The following CLDN16 variants were observed in gnomAD, a reference collection of about 807,000 sequenced individuals.
CLDN16 encodes the protein claudin 16.
In CLDN16, 13 loss-of-function variants were observed where a neutral mutation model predicts 24.6. The ratio of observed to expected loss-of-function variants is 0.53; its 90% CI spans 0.34 to 0.84. The LOEUF (loss-of-function observed/expected upper bound fraction) is 0.84, where lower values mean the gene tolerates loss of function less well. Among genes scored for constraint, CLDN16 ranks in the 40% least tolerant of loss-of-function variants. The pLI is 0.01. For synonymous variants in CLDN16, 116 were observed against 106.7 expected (o/e 1.09, Z -0.54); for missense variants, 298 against 292.7 (o/e 1.02, Z -0.13).
the CLDN16 span, chr3:190,307,151 G>T: frequency 6.6e-6 from 1 of 152,622 alleles, no homozygotes; most frequent in Admixed American, 6.5e-5. Context: ...ATAGAAAAAA[G>T]AGGTAGAAAG....
intron 1 of CLDN16, among the ~76,000 whole-genome samples, chr3:190,398,399 T>G (rs1448336198): frequency 6.6e-6 from 1 of 152,220 alleles, no homozygotes; most frequent in Non-Finnish European, 1.5e-5. Context: ...ATTCCTTGAC[T>G]TGTAGCTTTA....
the CLDN16 span, chr3:190,310,147 T>C: frequency 1.3e-6 from 2 of 1,599,014 alleles, no homozygotes; most frequent in Non-Finnish European, 1.7e-6. Flanking sequence ...AAACAAACTA[T>C]TTTACGCCTG....
chr3:190,363,403 C>A (rs1164033940), intron 1 of CLDN16, among the ~76,000 whole-genome samples: 1 of 150,610 alleles, frequency 6.6e-6, no homozygotes, highest in African/African-American at 2.4e-5. Flanking sequence ...ATTTTAAAGT[C>A]TTCATCTTCT....
Position 190,404,932 on chromosome 3 carries a change from G to A in CLDN16, c.382+6G>A, listed in dbSNP as rs1560098738. 1.2e-6 allele frequency: 2 copies of A among 1,613,666 alleles called. No individual in the cohort carries two copies. Among genetic ancestry groups the A allele is most frequent in the African/African-American group, 1.3e-5 (1 of 74,866 alleles). On this transcript the variant is annotated splice_donor_region_variant and intron_variant, in intron 3 of 4. Transcript: ENST00000264734. The stretch of plus-strand genomic sequence containing the variant: ...AGCCACGTTACTAATAGCAGGTACC[G>A]GTCTGGCTGGACTAGCAACAGGGGT...
chr3:190,388,128 C>T, upstream of CLDN16: 1 of 1,613,908 alleles, frequency 6.2e-7, no homozygotes, highest in South Asian at 1.1e-5. Flanking sequence ...TAATGACCTC[C>T]AGGACCCCAC....
At chr3:190,364,844 G>A (rs1400317916) in intron 1 of CLDN16, among the ~76,000 whole-genome samples, 1 of 151,086 alleles carries the variant, frequency 6.6e-6, no homozygotes, top group Admixed American at 6.6e-5. Flanking sequence ...TTTTTTCGAG[G>A]TGATTATATC....
In CLDN16 at chr3:190,326,993, A is replaced by G. The variant is rs113097433; in HGVS notation, n.121+4332A>G. Among the ~76,000 whole-genome samples the G allele has an allele frequency of 5.1e-3, 782 of 152,244 alleles. 11 individuals carry two copies. The highest frequency in any genetic ancestry group is 0.018 in the African/African-American group (745 of 41,538). ...ATCTCTTTAATATGACACTAGCTTT[A>G]TTAGTGGGAGTTCTCCAAAGAATAG... On this transcript the variant is annotated intron_variant and non_coding_transcript_variant, in intron 1 of 4. Transcript: ENST00000468220.
intron 1 of CLDN16, among the ~76,000 whole-genome samples, chr3:190,325,092 A>C (rs777359652): frequency 9.2e-5 from 14 of 152,220 alleles, no homozygotes; most frequent in Non-Finnish European, 1.8e-4. Flanking sequence ...TATGACTCTA[A>C]GTAATGACAG....
At chr3:190,403,357 T>C (rs1269423208) in intron 2 of CLDN16, among the ~76,000 whole-genome samples, 2 of 152,058 alleles carry the variant, frequency 1.3e-5, no homozygotes, top group African/African-American at 2.4e-5. Flanking sequence ...AATAAATAAA[T>C]TATAGTTACA....
At chr3:190,339,328 C>T (rs1234625128) in intron 1 of CLDN16, among the ~76,000 whole-genome samples, 2 of 152,182 alleles carry the variant, frequency 1.3e-5, no homozygotes, top group East Asian at 3.8e-4. Flanking sequence ...TGGAGAACCA[C>T]AGTCTCACCT....
the CLDN16 span, among the ~76,000 whole-genome samples, chr3:190,300,697 CT>C: frequency 2.0e-5 from 3 of 152,188 alleles, no homozygotes; most frequent in Non-Finnish European, 4.4e-5. Context: ...CTCCTGCTGC[CT>C]TTTCCTATTT....
intron 1 of CLDN16, among the ~76,000 whole-genome samples, chr3:190,356,383 T>A (rs1222891265): frequency 6.6e-6 from 1 of 151,850 alleles, no homozygotes; most frequent in Non-Finnish European, 1.5e-5. Flanking sequence ...TGTAACAAAA[T>A]GTTATATACA....
At chr3:190,301,925 CTTA>C in the CLDN16 span, among the ~76,000 whole-genome samples, 2 of 152,124 alleles carry the variant, frequency 1.3e-5, no homozygotes, top group Non-Finnish European at 2.9e-5. Context: ...TTGATCAAGA[CTTA>C]TTATCTTTTG....
rs1278610607 is a variant in CLDN16, at chr3:190,392,057, G to GT, written c.114+3615dup. Among the ~76,000 whole-genome samples the GT allele has an allele frequency of 3.5e-3, 376 of 108,754 alleles. 2 individuals are homozygous for GT. Among genetic ancestry groups the GT allele is most frequent in the Non-Finnish European group, 5.9e-3 (266 of 45,002 alleles). The allele number at this position is 108,754 out of a possible 152,430, so 71.3% of individuals were successfully genotyped here. On this transcript the variant is annotated intron_variant, in intron 1 of 4. Transcript: ENST00000264734. Reference sequence around the variant, plus strand: ...TCAGTTGTTTCTAAGGTCCTTTTCAGTCTTTTTTTTTTTTTTTTTAACATC... The same window carrying GT: ...TCAGTTGTTTCTAAGGTCCTTTTCAGTTCTTTTTTTTTTTTTTTTTAACATC...
At chr3:190,308,454 C>T in the CLDN16 span, 11 of 1,612,648 alleles carry the variant, frequency 6.8e-6, no homozygotes, top group South Asian at 2.2e-5. Context: ...AAGGAAAAAC[C>T]CATGTGCTTG....
intron 1 of CLDN16, among the ~76,000 whole-genome samples, chr3:190,332,886 A>C (rs1438341151): frequency 6.6e-6 from 1 of 151,984 alleles, no homozygotes; most frequent in African/African-American, 2.4e-5. Flanking sequence ...ACTTTGCTTT[A>C]TTAAGGATTG....
At chr3:190,358,167 A>G (rs1158022634) in intron 1 of CLDN16, among the ~76,000 whole-genome samples, 1 of 151,916 alleles carries the variant, frequency 6.6e-6, no homozygotes, top group Non-Finnish European at 1.5e-5. Context: ...AATAAGAATA[A>G]ATATAATTTG....
chr3:190,315,919 TCCAGGGC>T, the CLDN16 span, among the ~76,000 whole-genome samples: 2 of 152,276 alleles, frequency 1.3e-5, no homozygotes, highest in South Asian at 4.1e-4. Flanking sequence ...CATAAACTAC[TCCAGGGC>T]CCTTACTGCA....
the CLDN16 span, among the ~76,000 whole-genome samples, chr3:190,296,254 T>C: frequency 6.6e-6 from 1 of 152,246 alleles, no homozygotes; most frequent in East Asian, 1.9e-4. Flanking sequence ...AATACAGTAA[T>C]GCATGAATAA....
Sources: allele counts gnomAD v4.1 joint callset (sites outside exome capture counted in the v4.1 genomes callset), GRCh38; gene constraint gnomAD v4.1.1; transcripts MANE v1.5; gene names NCBI Gene and HGNC (gene_info 2026-07-23, HGNC 2026-07-21).